LAMB3: variants seen among roughly 807,000 people sequenced by gnomAD.
The protein encoded by LAMB3 is laminin subunit beta 3, also known as laminin subunit beta-3.
In LAMB3, 104 loss-of-function variants were observed where a neutral mutation model predicts 140.3. The observed-to-expected ratio is 0.74, with a 90% CI of 0.63 to 0.87. The LOEUF (loss-of-function observed/expected upper bound fraction) is 0.87. Ranked by LOEUF, LAMB3 falls within the 40% of genes least tolerant of loss-of-function variation. The probability of loss-of-function intolerance (pLI) is 0.00; values close to 1 mark genes in which losing one functional copy is unlikely to be tolerated. For missense variants in LAMB3, 1,531 were observed against 1,575.2 expected (o/e 0.97, Z 0.47); for synonymous variants, 592 against 602.9 (o/e 0.98, Z 0.26).
At chr1:209,638,079 C>T in intron 4 of LAMB3, 98 bp from the exon 5 acceptor site, 1 of 978,528 alleles carries the variant, frequency 1.0e-6, no homozygotes. Flanking sequence ...AACTCAGAAA[C>T]TCTCTAACCT....
intron 3 of LAMB3, among the ~76,000 whole-genome samples, chr1:209,640,145 C>G (rs1348002107): frequency 6.6e-6 from 1 of 152,210 alleles, no homozygotes; most frequent in Non-Finnish European, 1.5e-5. Context: ...GAACTATCAC[C>G]CTTCCTAGTG....
rs933629932 is a variant in LAMB3, at chr1:209,632,797, G to A, written c.629-21C>T. The A allele has an allele frequency of 3.7e-6, 6 of 1,608,640 alleles. No individual in the cohort carries two copies. The African/African-American group carries it at 8.0e-5, about 22-fold the overall frequency. ...CACCTCTGAGAGGGCCAAACAGCAA[G>A]GAGGGAAGAGTTGGAGAATGGAAAA... On this transcript the variant is annotated intron_variant, in intron 7 of 22. Coordinates refer to ENST00000356082, the MANE Select transcript of LAMB3 (RefSeq NM_000228.3).
intron 1 of LAMB3, chr1:209,651,208 TC>T (rs2076563892): frequency 1.9e-6 from 1 of 531,420 alleles, no homozygotes; most frequent in African/African-American, 1.9e-5. Context: ...GAAAATCCCA[TC>T]CCTTCCCAGA....
intron 3 of LAMB3, among the ~76,000 whole-genome samples, chr1:209,645,871 C>G (rs777473581): frequency 2.6e-5 from 4 of 152,132 alleles, no homozygotes; most frequent in Non-Finnish European, 5.9e-5. Flanking sequence ...AACTGTCAAA[C>G]AAAGAAAGGC....
chr1:209,615,524 A>C, intron 22 of LAMB3, 117 bp from the exon 23 acceptor site: 1 of 1,260,900 alleles, frequency 7.9e-7, no homozygotes, highest in Non-Finnish European at 1.1e-6. Context: ...AATCCCCTCC[A>C]GAAAAATCTG....
rs1444394823 is a variant in LAMB3 at position 209,626,990 on chromosome 1, G to A, written c.1486-12C>T. The stretch of plus-strand genomic sequence containing the variant: ...CACTGCCCTGTGAACTGCGTGGGGA[G>A]AGCACCGTCAGTGGACCCTGCCTCA... On this transcript the variant is annotated splice_polypyrimidine_tract_variant and intron_variant, in intron 12 of 22. Transcript: ENST00000356082. 1.9e-6 allele frequency: 3 copies of A among 1,587,552 alleles called. No homozygotes were observed. The highest frequency in any genetic ancestry group is 2.6e-6 in the Non-Finnish European group (3 of 1,158,134).
chr1:209,632,599 G>C lies in LAMB3; in HGVS notation c.806C>G (p.Pro269Arg). Residue 269 changes from proline (P) to arginine (R), a missense_variant, in exon 8 of 23, where the codon CCC becomes CGC. Pro to Arg is a moderately radical substitution (Grantham distance 103). Coordinates refer to ENST00000356082, the MANE Select transcript of LAMB3 (RefSeq NM_000228.3). ...GGCTGTTACCTGCACAGCGGTGGAG[G>C]GGCCTGCAGAGGCCCCAGGCTTGGG... ...CAPKPGASAG[P>R]STAVQVHDVC... is the part of the protein sequence containing the mutation. The C allele has an allele frequency of 6.2e-7, 1 of 1,613,962 alleles. No individual in the cohort carries two copies. The highest frequency in any genetic ancestry group is 8.5e-7 in the Non-Finnish European group (1 of 1,179,848).
Position 209,639,761 on chromosome 1 carries a change from C to G in LAMB3, c.184-1113G>C, listed in dbSNP as rs55932185. Reference sequence around the variant, plus strand: ...TCTCTGAGTAGCCATGATCCCAAACCCTGTGCGCAGCTTAAACCATACTGT... The same window carrying G: ...TCTCTGAGTAGCCATGATCCCAAACGCTGTGCGCAGCTTAAACCATACTGT... On this transcript the variant is annotated intron_variant, in intron 3 of 22. Transcript: ENST00000356082. Among the ~76,000 whole-genome samples the G allele has an allele frequency of 9.3e-3, 1,415 of 152,212 alleles. 20 individuals carry two copies. Among genetic ancestry groups the G allele is most frequent in the African/African-American group, 0.033 (1,365 of 41,528 alleles).
At position 209,623,773 on chromosome 1, in the gene LAMB3, A is replaced by G. The variant is rs896478825; in HGVS notation, c.2138-48T>C. The stretch of plus-strand genomic sequence containing the variant: ...TGGAGATGGAGGAGGAGCAGGAGGG[A>G]GAGGGGGTGGCATGCCCACCACGGC... On this transcript the variant is annotated intron_variant, in intron 15 of 22. Transcript: ENST00000356082. The surrounding 1 kb of genome is among the most constrained non-coding windows in gnomAD (Gnocchi z 4.2). 1.9e-6 allele frequency: 3 copies of G among 1,613,600 alleles called. No homozygotes were observed. The highest frequency in any genetic ancestry group is 2.5e-6 in the Non-Finnish European group (3 of 1,179,636).
At chr1:209,633,893 C>T (rs1300223683) in intron 6 of LAMB3, among the ~76,000 whole-genome samples, 1 of 152,124 alleles carries the variant, frequency 6.6e-6, no homozygotes, top group Non-Finnish European at 1.5e-5. Flanking sequence ...GTTGGGAGGA[C>T]TTAGGGAGAA....
intron 2 of LAMB3, among the ~76,000 whole-genome samples, chr1:209,650,642 G>A (rs189791024): frequency 3.1e-4 from 47 of 152,378 alleles, no homozygotes; most frequent in African/African-American, 8.4e-4. Context: ...GAGAAAGGAT[G>A]GGAAACTGTG....
At position 209,650,907 on chromosome 1, in the gene LAMB3, G is replaced by A; in HGVS notation, c.28+10C>T. On this transcript the variant is annotated intron_variant, in intron 2 of 22. Coordinates refer to ENST00000356082, the MANE Select transcript of LAMB3 (RefSeq NM_000228.3). ...TAACAGGGCCTGGAAGGATGGGAAG[G>A]GGTACTTACCAAAACACAAGAGGAA... 6.2e-7 allele frequency: 1 copy of A among 1,613,858 alleles called. No individual in the cohort carries two copies. Among genetic ancestry groups the A allele is most frequent in the Non-Finnish European group, 8.5e-7 (1 of 1,179,752 alleles).
rs761135286 is a variant in LAMB3, at chr1:209,623,951, A to T, written c.2026T>A (p.Leu676Met). ...QLDLPLEEET[L>M]SLPRDLESLD... ...CTCTCCAGGTCTCTCGGAAGGGACA[A>T]CGTCTCCTCCTCCAGGGGCAGATCC... Residue 676 changes from leucine (L) to methionine (M), a missense_variant, in exon 15 of 23, where the codon TTG becomes ATG. Leu to Met is a conservative substitution (Grantham distance 15). Coordinates refer to ENST00000356082, the MANE Select transcript of LAMB3 (RefSeq NM_000228.3). The surrounding 1 kb of genome is among the most constrained non-coding windows in gnomAD (Gnocchi z 4.2). The T allele has an allele frequency of 6.2e-7, 1 of 1,614,084 alleles. No homozygotes were observed. The highest frequency in any genetic ancestry group is 2.2e-5 in the East Asian group (1 of 44,872).
rs148395967 is a variant in LAMB3 at position 209,622,669 on chromosome 1, G to C, written c.2568C>G (p.Ala856=). The C allele has an allele frequency of 6.8e-6, 11 of 1,613,978 alleles. No homozygotes were observed. Among genetic ancestry groups the C allele is most frequent in the Non-Finnish European group, 8.5e-6 (10 of 1,180,032 alleles). ...LQRTRQMIRA[A]EESASQIQSS... ...ATTGAATCTGTGAGGCAGATTCCTC[G>C]GCTGCCCTAATCTGTTGACATACAC... Residue 856 remains alanine, a synonymous_variant, in exon 18 of 23, where the codon GCC becomes GCG. Coordinates refer to ENST00000356082, the MANE Select transcript of LAMB3 (RefSeq NM_000228.3).
chr1:209,649,920 C>A lies in LAMB3; in HGVS notation c.183+44G>T, dbSNP rs368111000. ...AGTGGACAAATGGCAGCTCACACAC[C>A]CCTCCCATCCCGCCTTCCTCCAGTC... is the stretch of plus-strand genomic sequence containing the variant. On this transcript the variant is annotated intron_variant, in intron 3 of 22. Transcript: ENST00000356082. The A allele has an allele frequency of 1.1e-4, 182 of 1,608,728 alleles. 1 individual carries two copies. In the African/African-American group the frequency reaches 2.1e-3, roughly 19 times the overall value.
At chr1:209,624,880 G>GAGAA (rs1553276645) in intron 14 of LAMB3, among the ~76,000 whole-genome samples, 2 of 100,754 alleles carry the variant, frequency 2.0e-5, no homozygotes, top group African/African-American at 3.9e-5. Flanking sequence ...GAAAGAGAGA[G>GAGAA]AGGAAGGAAG....
intron 10 of LAMB3, 107 bp from the exon 11 acceptor site, chr1:209,628,297 T>C (rs1666553277): frequency 2.3e-6 from 3 of 1,292,914 alleles, no homozygotes; most frequent in Admixed American, 3.9e-5. Context: ...ACCACTGGAT[T>C]TCAAATTCAC....
intron 3 of LAMB3, among the ~76,000 whole-genome samples, chr1:209,640,938 C>A (rs1187128502): frequency 6.6e-6 from 1 of 152,008 alleles, no homozygotes; most frequent in East Asian, 1.9e-4. Context: ...AAAAAATTAA[C>A]TGGGCATGGT....
intron 18 of LAMB3, among the ~76,000 whole-genome samples, chr1:209,619,151 CCTT>C (rs1232108946): frequency 1.3e-5 from 2 of 152,218 alleles, no homozygotes; most frequent in African/African-American, 4.8e-5. Flanking sequence ...TGGAATATCA[CCTT>C]CTCAGGGAGG....
Sources: allele counts gnomAD v4.1 joint callset (sites outside exome capture counted in the v4.1 genomes callset), GRCh38; gene constraint gnomAD v4.1.1; non-coding constraint Gnocchi (gnomAD v3.1); transcripts MANE v1.5; gene names NCBI Gene and HGNC (gene_info 2026-07-23, HGNC 2026-07-21).